RTN4IP1: variants seen among roughly 807,000 people sequenced by gnomAD.
RTN4IP1 encodes reticulon 4 interacting protein 1.
A neutral mutation model predicts 46.6 loss-of-function variants in RTN4IP1; 32 were observed. That is an observed-to-expected ratio of 0.69 (90% CI 0.52 to 0.92). RTN4IP1 has a LOEUF of 0.92. RTN4IP1 is among the 40% of genes least tolerant of loss of function. The pLI is 0.00. For synonymous variants in RTN4IP1, 167 were observed against 161.8 expected, an observed-to-expected ratio of 1.03 and a Z score of -0.24; for missense variants, 424 against 485.8, an observed-to-expected ratio of 0.87 and a Z score of 1.20.
intron 4 of RTN4IP1, 41 bp downstream of exon 4, chr6:106,619,161 A>C (rs759683589): frequency 1.9e-6 from 3 of 1,606,426 alleles, no homozygotes; most frequent in Non-Finnish European, 8.5e-7. Context: ...ACAGAAGGAA[A>C]GAAAAGAGGT....
Position 106,588,993 on chromosome 6 carries a change from C to T in RTN4IP1, c.807-1131G>A, listed in dbSNP as rs1009114169. Among the ~76,000 whole-genome samples the T allele has an allele frequency of 8.6e-5, 13 of 150,652 alleles. No individual in the cohort carries two copies. In the East Asian group the frequency reaches 2.6e-3, roughly 30 times the overall value. ...GATGTGGTGGCACATGCCTGTAATCCCAACTACTCAAGAGGCTGAGGCAGG... is the reference window on the plus strand; with the variant it reads ...GATGTGGTGGCACATGCCTGTAATCTCAACTACTCAAGAGGCTGAGGCAGG... On this transcript the variant is annotated intron_variant, in intron 6 of 8. Coordinates refer to ENST00000369063, the MANE Select transcript of RTN4IP1 (RefSeq NM_032730.5).
intron 8 of RTN4IP1, among the ~76,000 whole-genome samples, chr6:106,577,119 A>G (rs1562129504): frequency 6.6e-6 from 1 of 152,188 alleles, no homozygotes; most frequent in South Asian, 2.1e-4. Flanking sequence ...TGAAGAATAT[A>G]CATGTATCAA....
At position 106,583,427 on chromosome 6, in the gene RTN4IP1, A is replaced by G. The variant is rs750250033; in HGVS notation, c.991-7T>C. On this transcript the variant is annotated splice_polypyrimidine_tract_variant and splice_region_variant and intron_variant, in intron 7 of 8. Transcript: ENST00000369063. Reference sequence around the variant, plus strand: ...GGACTCCTTTCCAGAAATGCTAAAAAGAAGAAAACAAAACATGTCAAATAC... The same window carrying G: ...GGACTCCTTTCCAGAAATGCTAAAAGGAAGAAAACAAAACATGTCAAATAC... The G allele has an allele frequency of 1.2e-6, 2 of 1,606,026 alleles. No homozygotes were observed. Among genetic ancestry groups the G allele is most frequent in the South Asian group, 1.1e-5 (1 of 90,554 alleles).
chr6:106,587,252 CA>C (rs1236993877), intron 7 of RTN4IP1, among the ~76,000 whole-genome samples: 1 of 152,136 alleles, frequency 6.6e-6, no homozygotes, highest in East Asian at 1.9e-4. Flanking sequence ...AGACATGAAA[CA>C]GAGAGAGGGT....
At chr6:106,585,702 T>C (rs984671749) in intron 7 of RTN4IP1, among the ~76,000 whole-genome samples, 4 of 152,182 alleles carry the variant, frequency 2.6e-5, no homozygotes, top group Non-Finnish European at 2.9e-5. Context: ...AATGAGGCTT[T>C]AACTACGTGC....
chr6:106,594,693 C>T (rs1223598010), intron 5 of RTN4IP1, among the ~76,000 whole-genome samples: 1 of 152,156 alleles, frequency 6.6e-6, no homozygotes, highest in Non-Finnish European at 1.5e-5. Context: ...CACCTCCTTG[C>T]ATTTCAAAAA....
At chr6:106,611,875 T>C (rs1776234149) in intron 4 of RTN4IP1, among the ~76,000 whole-genome samples, 1 of 152,234 alleles carries the variant, frequency 6.6e-6, no homozygotes. Context: ...TTATATATCT[T>C]GGTAAGGTGG....
intron 8 of RTN4IP1, among the ~76,000 whole-genome samples, chr6:106,572,596 G>A (rs17067345): frequency 0.14 from 21,527 of 152,054 alleles, 1,753 homozygotes; most frequent in African/African-American, 0.21. Flanking sequence ...AGTTTGCAAC[G>A]TGTTGTCCCT....
intron 4 of RTN4IP1, among the ~76,000 whole-genome samples, chr6:106,605,987 G>A (rs913845124): frequency 5.9e-5 from 9 of 151,998 alleles, no homozygotes; most frequent in African/African-American, 2.2e-4. Context: ...GAAATAAAAG[G>A]CATCCAAATT....
intron 8 of RTN4IP1, among the ~76,000 whole-genome samples, chr6:106,579,593 T>A (rs976039544): frequency 8.5e-5 from 13 of 152,052 alleles, no homozygotes; most frequent in African/African-American, 3.1e-4. Context: ...TACTGAGTGC[T>A]GCACTGGGAG....
chr6:106,598,101 G>A (rs1211538880), intron 5 of RTN4IP1, among the ~76,000 whole-genome samples: 2 of 152,064 alleles, frequency 1.3e-5, no homozygotes, highest in South Asian at 2.1e-4. Flanking sequence ...ATCATTGTTG[G>A]ACATTTGGGT....
At chr6:106,599,387 T>A (rs1775886176) in intron 5 of RTN4IP1, among the ~76,000 whole-genome samples, 1 of 151,764 alleles carries the variant, frequency 6.6e-6, no homozygotes, top group Non-Finnish European at 1.5e-5. Flanking sequence ...AGCCTCCCAA[T>A]TAAAACCTCC....
At chr6:106,610,336 T>C (rs1776194547) in intron 4 of RTN4IP1, among the ~76,000 whole-genome samples, 1 of 152,162 alleles carries the variant, frequency 6.6e-6, no homozygotes. Flanking sequence ...AGTGCTGGGA[T>C]TACAGGTGTG....
chr6:106,618,859 TAACCTTTTTAGGAATTTCATTAAAAA>T (rs564329637), intron 4 of RTN4IP1, among the ~76,000 whole-genome samples: 2 of 149,084 alleles, frequency 1.3e-5, no homozygotes, highest in East Asian at 4.0e-4. Flanking sequence ...GGATGATTCT[TAACCTTTTTAGGAATTTCATTAAAAA>T]AAAGATATGG....
At chr6:106,592,051 A>G (rs977313616) in intron 6 of RTN4IP1, 113 bp downstream of exon 6, 3 of 1,136,396 alleles carry the variant, frequency 2.6e-6, no homozygotes, top group Non-Finnish European at 3.8e-6. Flanking sequence ...GAATGTTTTC[A>G]TAGATCCTTC....
intron 7 of RTN4IP1, among the ~76,000 whole-genome samples, chr6:106,585,199 C>A (rs1036272515): frequency 2.0e-5 from 3 of 152,234 alleles, no homozygotes; most frequent in Non-Finnish European, 4.4e-5. Flanking sequence ...AGAGGCCAGG[C>A]ACACTGGCTC....
rs1712548731 is a variant in RTN4IP1 at position 106,629,391 on chromosome 6, C to A, written c.-370G>T. On this transcript the variant is annotated 5_prime_UTR_variant, in exon 1 of 9. Coordinates refer to ENST00000369063, the MANE Select transcript of RTN4IP1 (RefSeq NM_032730.5). ...AGCCCTCGGCGGGACAAGCAGACAC[C>A]GCTCGCGATCCAACGCCAGAGAATC... 2 of 568,338 alleles carry A rather than the reference C, an allele frequency of 3.5e-6. No individual in the cohort carries two copies. The highest frequency in any genetic ancestry group is 1.9e-5 in the African/African-American group (1 of 52,952). 35.2% of individuals were successfully genotyped at this position (568,338 alleles called of 1,614,324 possible).
In RTN4IP1 at chr6:106,627,884, A is replaced by G. The variant is rs543932771; in HGVS notation, c.274+864T>C. Among the ~76,000 whole-genome samples the G allele has an allele frequency of 1.7e-3, 240 of 139,474 alleles. 1 individual carries two copies. The highest frequency in any genetic ancestry group is 6.1e-3 in the African/African-American group (230 of 37,984). The allele number at this position is 139,474 out of a possible 152,430, so 91.5% of individuals were successfully genotyped here. A position where few individuals can be genotyped will look rare whatever the true frequency, so the allele number is the denominator to read the frequency against. ...TCTCCTGCCTCAGCCTCCCACCAACACAGTGAAACTCCCGTTTCTATAAAA... is the reference window on the plus strand; with the variant it reads ...TCTCCTGCCTCAGCCTCCCACCAACGCAGTGAAACTCCCGTTTCTATAAAA... On this transcript the variant is annotated intron_variant, in intron 1 of 8. Coordinates refer to ENST00000369063, the MANE Select transcript of RTN4IP1 (RefSeq NM_032730.5).
At chr6:106,579,606 A>G (rs4946768) in intron 8 of RTN4IP1, among the ~76,000 whole-genome samples, 103,754 of 151,880 alleles carry the variant, frequency 0.68, 37,325 homozygotes, top group Non-Finnish European at 0.81. Flanking sequence ...ACTGGGAGAA[A>G]GCAAAGGTAG....
Sources: gnomAD v4.1 joint callset for allele counts (sites outside exome capture counted in the v4.1 genomes callset) on GRCh38, gnomAD v4.1.1 for gene constraint, MANE v1.5 for transcripts, NCBI Gene and HGNC (gene_info 2026-07-23, HGNC 2026-07-21) for gene names.